The following NDUFAF6 variants were observed in gnomAD, a reference collection of about 807,000 sequenced individuals.
NDUFAF6 encodes the protein NADH:ubiquinone oxidoreductase complex assembly factor 6, also known as NADH dehydrogenase (ubiquinone) complex I, assembly factor 6.
NDUFAF6 carries 45 observed loss-of-function variants against 40.8 expected under a neutral mutation model. The observed-to-expected ratio is 1.10, with a 90% CI of 0.87 to 1.42. NDUFAF6 has a LOEUF of 1.42. Ranked by LOEUF, NDUFAF6 falls within the 40% of genes most tolerant of loss-of-function variation. The pLI, the probability that NDUFAF6 is intolerant of heterozygous loss-of-function variation, is 0.00. For synonymous variants in NDUFAF6, 185 were observed against 155.9 expected (o/e 1.19, Z -1.39); for missense variants, 435 against 418.5 (o/e 1.04, Z -0.34).
intron 2 of NDUFAF6, 107 bp from the exon 3 acceptor site, chr8:95,035,347 A>G: frequency 8.8e-7 from 1 of 1,139,574 alleles, no homozygotes; most frequent in East Asian, 2.4e-5. Context: ...TTATCACCAT[A>G]GTCATAATAC....
rs567366734 is a variant in NDUFAF6 at position 94,904,439 on chromosome 8, G to A, written c.-936+8512G>A. The stretch of plus-strand genomic sequence containing the variant: ...GATCTGCCCGCCTCGGCCTCCCAAA[G>A]TGCTGGGATTAGAGGTGTGAGCCAC... On this transcript the variant is annotated intron_variant, in intron 1 of 14. Coordinates refer to the NDUFAF6 transcript ENST00000396113. Among the ~76,000 whole-genome samples the A allele has an allele frequency of 4.9e-5, 7 of 143,596 alleles. No homozygotes were observed. The East Asian group carries it at 6.5e-4, about 13-fold the overall frequency. 94.2% of individuals were successfully genotyped at this position (143,596 alleles called of 152,430 possible).
intron 5 of NDUFAF6, 53 bp downstream of exon 5, chr8:95,045,700 A>G: frequency 6.9e-7 from 1 of 1,441,326 alleles, no homozygotes; most frequent in South Asian, 1.2e-5. Context: ...TACCTATGAG[A>G]TTTCACTTTT....
intron 2 of NDUFAF6, among the ~76,000 whole-genome samples, chr8:95,094,288 T>A (rs192243165): frequency 8.8e-4 from 134 of 152,026 alleles, no homozygotes; most frequent in African/African-American, 3.1e-3. Flanking sequence ...TACTTCCTTT[T>A]TCACCCCTTC....
At chr8:95,019,721 G>C (rs1014360777) in intron 2 of NDUFAF6, among the ~76,000 whole-genome samples, 25 of 152,178 alleles carry the variant, frequency 1.6e-4, no homozygotes, top group African/African-American at 6.0e-4. Flanking sequence ...ACAGTGTGTA[G>C]GTGTCCTTTT....
intron 1 of NDUFAF6, among the ~76,000 whole-genome samples, chr8:94,911,930 C>T (rs1490459775): frequency 6.6e-6 from 1 of 152,142 alleles, no homozygotes; most frequent in Non-Finnish European, 1.5e-5. Flanking sequence ...ATGGTCTGGG[C>T]CCACACTTGG....
downstream of NDUFAF6, among the ~76,000 whole-genome samples, chr8:95,078,222 C>T (rs1273964497): frequency 6.6e-6 from 1 of 152,118 alleles, no homozygotes; most frequent in Non-Finnish European, 1.5e-5. Context: ...AGGCATGGCT[C>T]TGCAGCTGAT....
At chr8:95,070,903 C>T (rs1465634971) in intron 9 of NDUFAF6, among the ~76,000 whole-genome samples, 1 of 152,108 alleles carries the variant, frequency 6.6e-6, no homozygotes, top group Non-Finnish European at 1.5e-5. Flanking sequence ...CTCCCCGAGT[C>T]ATCTGCCCTT....
At chr8:95,117,005 A>C (rs1442672755), downstream of NDUFAF6, among the ~76,000 whole-genome samples, 1 of 152,172 alleles carries the variant, frequency 6.6e-6, no homozygotes, top group Non-Finnish European at 1.5e-5. Context: ...TTCCTTGTTC[A>C]TGACAGCAAG....
chr8:94,909,176 T>C (rs183502156), intron 1 of NDUFAF6, among the ~76,000 whole-genome samples: 72 of 151,684 alleles, frequency 4.7e-4, no homozygotes, highest in African/African-American at 1.7e-3. Flanking sequence ...CGAAACCCCA[T>C]CTCTACTAAA....
At chr8:94,908,629 C>A (rs1056355120) in intron 1 of NDUFAF6, among the ~76,000 whole-genome samples, 2 of 152,212 alleles carry the variant, frequency 1.3e-5, no homozygotes, top group African/African-American at 2.4e-5. Context: ...CTCAGCCTCC[C>A]AAAGTGCTGG....
At chr8:94,920,062 GA>G in intron 1 of NDUFAF6, among the ~76,000 whole-genome samples, 1 of 152,238 alleles carries the variant, frequency 6.6e-6, no homozygotes, top group Middle Eastern at 3.4e-3. Flanking sequence ...ACCTCCAAAA[GA>G]AAATGTTAAA....
At position 95,025,054 on chromosome 8, in the gene NDUFAF6, G is replaced by T; in HGVS notation, c.46G>T (p.Gly16Cys). The T allele has an allele frequency of 1.4e-6, 2 of 1,418,636 alleles. No homozygotes were observed. The highest frequency in any genetic ancestry group is 3.2e-5 in the Admixed American group (1 of 30,770). 87.9% of individuals were successfully genotyped at this position (1,418,636 alleles called of 1,614,324 possible). The change falls in exon 1 of 9, where the codon GGC (glycine) becomes TGC (cysteine). Residue 16 changes from glycine to cysteine, a missense_variant. Gly to Cys is a radical substitution (Grantham distance 159). Coordinates refer to ENST00000396124, the MANE Select transcript of NDUFAF6 (RefSeq NM_152416.4). ...CTCTGTCTGGGGGCCGTTGCGGCTT[G>T]GCATCCCCGGCCTGTGCTGCCGCCG... ...HGSVWGPLRL[G>C]IPGLCCRRPP...
chr8:94,896,851 C>T (rs1275850253), intron 1 of NDUFAF6, among the ~76,000 whole-genome samples: 1 of 152,206 alleles, frequency 6.6e-6, no homozygotes, highest in Non-Finnish European at 1.5e-5. Flanking sequence ...TTCTTCGTCT[C>T]GTGACGCCGG....
At chr8:95,005,566 A>C (rs1826941874) in intron 2 of NDUFAF6, among the ~76,000 whole-genome samples, 2 of 132,342 alleles carry the variant, frequency 1.5e-5, no homozygotes, top group South Asian at 4.5e-4. Context: ...AAATATATTA[A>C]CATAAATAAT....
At chr8:95,067,226 A>G (rs1832725001) in intron 9 of NDUFAF6, 1 of 152,036 alleles carries the variant, frequency 6.6e-6, no homozygotes, top group South Asian at 2.1e-4. Context: ...ATTATTCATG[A>G]CTCCAGGAGC....
chr8:94,931,612 A>AT (rs1356237037), intron 1 of NDUFAF6, among the ~76,000 whole-genome samples: 9 of 151,804 alleles, frequency 5.9e-5, no homozygotes, highest in Admixed American at 1.3e-4. Flanking sequence ...ACACACACAT[A>AT]AAATTTTTTT....
At chr8:94,955,731 T>G (rs1417135655), upstream of NDUFAF6, among the ~76,000 whole-genome samples, 1 of 152,210 alleles carries the variant, frequency 6.6e-6, no homozygotes, top group Non-Finnish European at 1.5e-5. Context: ...AACCATAAAG[T>G]CAACAGCAAA....
intron 9 of NDUFAF6, among the ~76,000 whole-genome samples, chr8:95,064,678 T>C (rs758856370): frequency 6.6e-6 from 1 of 150,832 alleles, no homozygotes; most frequent in Non-Finnish European, 1.5e-5. Flanking sequence ...AAACAATCTC[T>C]CTGACCTTCT....
rs1261762248 is a variant in NDUFAF6, at chr8:94,978,721, G to GA, written c.-198-2127dup. On this transcript the variant is annotated intron_variant, in intron 1 of 9. Coordinates refer to the NDUFAF6 transcript ENST00000396111. ...AAAGCAAGACCCTGTCTCAAAAAAA[G>GA]AAAAAAAAAAAGCTGGCAAACATAG... 6.3e-3 allele frequency among the ~76,000 whole-genome samples: 886 copies of GA among 141,644 alleles called. 11 individuals are homozygous for GA. Among genetic ancestry groups the GA allele is most frequent in the African/African-American group, 0.02 (769 of 38,598 alleles). 92.9% of individuals were successfully genotyped at this position (141,644 alleles called of 152,430 possible).
Sources: allele counts gnomAD v4.1 joint callset (sites outside exome capture counted in the v4.1 genomes callset), GRCh38; gene constraint gnomAD v4.1.1; transcripts MANE v1.5; gene names NCBI Gene and HGNC (gene_info 2026-07-23, HGNC 2026-07-21).